FYN: variants seen among roughly 807,000 people sequenced by gnomAD.
FYN encodes the protein FYN proto-oncogene, Src family tyrosine kinase.
A neutral mutation model predicts 70.2 loss-of-function variants in FYN; 10 were observed. The observed-to-expected ratio is 0.14, with a 90% confidence interval of 0.09 to 0.24. The LOEUF is 0.24. Among genes scored for constraint, FYN ranks in the 10% least tolerant of loss-of-function variants. The probability of loss-of-function intolerance (pLI) is 1.00; values close to 1 mark genes in which losing one functional copy is unlikely to be tolerated. For missense variants in FYN, 319 were observed against 673.1 expected (o/e 0.47, Z 5.82); for synonymous variants, 236 against 248.6 (o/e 0.95, Z 0.48).
At chr6:111,801,344 G>A (rs1174872013) in intron 2 of FYN, among the ~76,000 whole-genome samples, 1 of 152,164 alleles carries the variant, frequency 6.6e-6, no homozygotes, top group African/African-American at 2.4e-5. Flanking sequence ...TCAAGGCAGA[G>A]CTCCATACAC....
intron 2 of FYN, among the ~76,000 whole-genome samples, chr6:111,840,262 A>T (rs1276532922): frequency 6.6e-6 from 1 of 152,202 alleles, no homozygotes; most frequent in African/African-American, 2.4e-5. Context: ...TGATAAAGTT[A>T]AGGATTTGAG....
intron 2 of FYN, among the ~76,000 whole-genome samples, chr6:111,822,437 A>G (rs1364883801): frequency 1.3e-5 from 2 of 151,874 alleles, no homozygotes; most frequent in Admixed American, 6.6e-5. Context: ...CAATGAGAAC[A>G]CTTGGACACA....
intron 2 of FYN, among the ~76,000 whole-genome samples, chr6:111,831,707 T>G (rs1463268637): frequency 6.6e-6 from 1 of 152,204 alleles, no homozygotes; most frequent in East Asian, 1.9e-4. Flanking sequence ...GCTACGCAAT[T>G]AACAAAACTG....
intron 2 of FYN, among the ~76,000 whole-genome samples, chr6:111,813,143 T>A (rs1057104129): frequency 2.0e-5 from 3 of 152,228 alleles, no homozygotes; most frequent in Non-Finnish European, 4.4e-5. Context: ...AAGTAATTTC[T>A]AAAATACAAA....
rs149544080 is a variant in FYN, at chr6:111,715,144, T to G, written c.248-701A>C. Among the ~76,000 whole-genome samples the G allele has an allele frequency of 4.2e-3, 647 of 152,242 alleles. 2 individuals are homozygous for G. The highest frequency in any genetic ancestry group is 0.014 in the Middle Eastern group (4 of 288). On this transcript the variant is annotated intron_variant, in intron 4 of 13. Transcript: ENST00000354650. ...CACCCTATGTCCTCTCATCTGGCTC[T>G]CTAGAGAGGCCCTTCCTGGTTTACA...
At chr6:111,733,512 GAAGGTCTGT>G (rs1402366562) in intron 3 of FYN, among the ~76,000 whole-genome samples, 1 of 152,246 alleles carries the variant, frequency 6.6e-6, no homozygotes, top group Non-Finnish European at 1.5e-5. Flanking sequence ...CTGTTTTAGA[GAAGGTCTGT>G]AAGCAGTGCA....
chr6:111,761,837 C>T (rs1354915817), intron 3 of FYN, among the ~76,000 whole-genome samples: 1 of 152,112 alleles, frequency 6.6e-6, no homozygotes, highest in Non-Finnish European at 1.5e-5. Flanking sequence ...TCTCCTTGTA[C>T]TTTTAGCAAA....
At chr6:111,810,207 G>A (rs1470688368) in intron 2 of FYN, among the ~76,000 whole-genome samples, 1 of 152,138 alleles carries the variant, frequency 6.6e-6, no homozygotes, top group Non-Finnish European at 1.5e-5. Context: ...TGAAAATATG[G>A]GAATATACAT....
chr6:111,798,242 A>C (rs909018553), intron 2 of FYN: 6 of 152,210 alleles, frequency 3.9e-5, no homozygotes, highest in African/African-American at 1.4e-4. Context: ...TCTACTGTGC[A>C]TCTCTAATTT....
At chr6:111,852,668 T>C (rs1486763565) in intron 1 of FYN, among the ~76,000 whole-genome samples, 1 of 152,034 alleles carries the variant, frequency 6.6e-6, no homozygotes, top group African/African-American at 2.4e-5. Flanking sequence ...GCAGTAAAAA[T>C]TTTATTAGTA....
intron 12 of FYN, among the ~76,000 whole-genome samples, chr6:111,680,820 G>A (rs780609652): frequency 4.6e-5 from 7 of 152,020 alleles, no homozygotes; most frequent in Non-Finnish European, 1.5e-5. Flanking sequence ...ATTCCAACCC[G>A]CAAAGCTCAA....
chr6:111,869,407 T>C (rs1284937560), intron 1 of FYN, among the ~76,000 whole-genome samples: 4 of 152,232 alleles, frequency 2.6e-5, no homozygotes, highest in Non-Finnish European at 5.9e-5. Flanking sequence ...GTTTTTCTTT[T>C]TGAGATAGGG....
In FYN at chr6:111,696,383, A is replaced by T; in HGVS notation, c.936T>A (p.Leu312=). 1 of 1,613,574 alleles carries T rather than the reference A, an allele frequency of 6.2e-7. No individual in the cohort carries two copies. The highest frequency in any genetic ancestry group is 8.5e-7 in the Non-Finnish European group (1 of 1,179,780). Residue 312 remains leucine, a synonymous_variant, in exon 10 of 14, where the codon CTT becomes CTA. Coordinates refer to ENST00000354650, the MANE Select transcript of FYN (RefSeq NM_002037.5). ...GCTTCTTCATGATCTGCGCTTCCTC[A>T]AGGAATGATTCGGGGGACATTGTGC... ...KPGTMSPESF[L]EEAQIMKKLK... is the part of the protein sequence containing the mutation.
At chr6:111,702,795 T>C (rs1799901061) in intron 8 of FYN, 90 bp downstream of exon 8, 2 of 1,264,194 alleles carry the variant, frequency 1.6e-6, no homozygotes, top group East Asian at 2.3e-5. Context: ...TTTGTACATA[T>C]TAGTTTTACC....
intron 2 of FYN, among the ~76,000 whole-genome samples, chr6:111,826,980 G>A (rs1200174770): frequency 3.3e-5 from 5 of 152,164 alleles, no homozygotes; most frequent in Non-Finnish European, 5.9e-5. Context: ...GAAGCTGCTT[G>A]TCTGAAATTT....
chr6:111,750,938 C>T (rs1802458803), intron 3 of FYN, among the ~76,000 whole-genome samples: 2 of 152,084 alleles, frequency 1.3e-5, no homozygotes, highest in Non-Finnish European at 2.9e-5. Context: ...TGAATGAGTG[C>T]AAGCCTCAGT....
chr6:111,835,849 A>G (rs1182022662), intron 2 of FYN, among the ~76,000 whole-genome samples: 1 of 152,200 alleles, frequency 6.6e-6, no homozygotes, highest in Non-Finnish European at 1.5e-5. Context: ...GGTTCTATGA[A>G]TTAAAGAACA....
intron 2 of FYN, among the ~76,000 whole-genome samples, chr6:111,802,143 A>T (rs1004447149): frequency 6.6e-6 from 1 of 152,140 alleles, no homozygotes; most frequent in African/African-American, 2.4e-5. Flanking sequence ...TGACTGGATC[A>T]TGGGGGCAGA....
At chr6:111,711,267 A>G (rs1800362592) in intron 5 of FYN, among the ~76,000 whole-genome samples, 1 of 152,060 alleles carries the variant, frequency 6.6e-6, no homozygotes, top group Non-Finnish European at 1.5e-5. Flanking sequence ...TCTTTTTATC[A>G]CAATAGGAAA....
Sources: allele counts gnomAD v4.1 joint callset (sites outside exome capture counted in the v4.1 genomes callset), GRCh38; gene constraint gnomAD v4.1.1; transcripts MANE v1.5; gene names NCBI Gene and HGNC (gene_info 2026-07-23, HGNC 2026-07-21).